INTS7: variants seen among roughly 807,000 people sequenced by gnomAD.
INTS7 encodes the protein integrator complex subunit 7.
In INTS7, 46 loss-of-function variants were observed where a neutral mutation model predicts 109.2. The ratio of observed to expected loss-of-function variants is 0.42; its 90% CI spans 0.33 to 0.54. INTS7 has a LOEUF of 0.54. Ranked by LOEUF, INTS7 falls within the 20% of genes least tolerant of loss-of-function variation. The pLI, the probability that INTS7 is intolerant of heterozygous loss-of-function variation, is 0.07. For missense variants in INTS7, 929 were observed against 1,132.4 expected (o/e 0.82, Z 2.58); for synonymous variants, 412 against 402.9 (o/e 1.02, Z -0.27).
intron 14 of INTS7, among the ~76,000 whole-genome samples, chr1:211,968,278 TA>T (rs1357997318): frequency 6.6e-6 from 1 of 152,210 alleles, no homozygotes; most frequent in Non-Finnish European, 1.5e-5. Flanking sequence ...CTCAAGTTTT[TA>T]AAAAAATCTG....
intron 1 of INTS7, among the ~76,000 whole-genome samples, chr1:212,023,646 C>T (rs1013283249): frequency 2.2e-4 from 34 of 152,088 alleles, no homozygotes; most frequent in Admixed American, 7.2e-4. Flanking sequence ...AGATATTACA[C>T]CTTTGTCACA....
chr1:211,956,480 A>C (rs1028422448), intron 16 of INTS7, among the ~76,000 whole-genome samples: 6 of 152,194 alleles, frequency 3.9e-5, no homozygotes, highest in Non-Finnish European at 8.8e-5. Flanking sequence ...GTCTATGCTA[A>C]TGAAGAATAT....
At chr1:212,029,570 T>G (rs1213196772) in intron 1 of INTS7, among the ~76,000 whole-genome samples, 1 of 152,232 alleles carries the variant, frequency 6.6e-6, no homozygotes, top group Non-Finnish European at 1.5e-5. Context: ...TGCTTCTACC[T>G]TAGTAAGACA....
intron 4 of INTS7, among the ~76,000 whole-genome samples, chr1:212,015,003 A>G (rs1666347079): frequency 6.7e-6 from 1 of 149,804 alleles, no homozygotes; most frequent in Non-Finnish European, 1.5e-5. Context: ...CCCATCTGAG[A>G]AGTGAGGAGC....
chr1:211,963,245 T>C lies in INTS7; in HGVS notation c.2183+3185A>G, dbSNP rs974807747. Among the ~76,000 whole-genome samples the C allele has an allele frequency of 1.2e-4, 19 of 152,200 alleles. No individual in the cohort carries two copies. The East Asian group carries it at 3.7e-3, about 29-fold the overall frequency. On this transcript the variant is annotated intron_variant, in intron 16 of 19. Coordinates refer to ENST00000366994, the MANE Select transcript of INTS7 (RefSeq NM_015434.4). ...CACAAACTAGAAAATCTAGAAGGAATGGATAAATTCCTGAACATACACTCT... is the reference window on the plus strand; with the variant it reads ...CACAAACTAGAAAATCTAGAAGGAACGGATAAATTCCTGAACATACACTCT...
intron 2 of INTS7, 114 bp from the exon 3 acceptor site, chr1:212,020,382 C>T (rs1666635864): frequency 1.4e-6 from 1 of 696,420 alleles, no homozygotes; most frequent in Admixed American, 3.3e-5. Flanking sequence ...TCAATCTTAA[C>T]ATTATTTGTT....
intron 7 of INTS7, 113 bp from the exon 8 acceptor site, chr1:211,988,116 T>A (rs780086310): frequency 7.3e-6 from 4 of 550,540 alleles, no homozygotes; most frequent in Non-Finnish European, 1.2e-5. Flanking sequence ...AAGGACTTTT[T>A]TTCATGTTAA....
At chr1:212,013,065 G>A (rs1162205425) in intron 4 of INTS7, among the ~76,000 whole-genome samples, 4 of 152,190 alleles carry the variant, frequency 2.6e-5, no homozygotes, top group East Asian at 3.8e-4. Flanking sequence ...GCATAACAAC[G>A]TTTTGGTCAA....
At chr1:212,028,633 G>C (rs1035633145) in intron 1 of INTS7, among the ~76,000 whole-genome samples, 3 of 152,162 alleles carry the variant, frequency 2.0e-5, no homozygotes, top group African/African-American at 7.2e-5. Context: ...GAACAAAGAA[G>C]TAAAACAGGT....
At chr1:211,988,035 T>C in intron 7 of INTS7, 32 bp from the exon 8 acceptor site, 5 of 1,046,046 alleles carry the variant, frequency 4.8e-6, no homozygotes, top group South Asian at 1.3e-5. Flanking sequence ...AATATAGAAG[T>C]TAAAACATCA....
chr1:211,993,865 C>T (rs1665253443), intron 7 of INTS7, among the ~76,000 whole-genome samples: 1 of 152,016 alleles, frequency 6.6e-6, no homozygotes, highest in South Asian at 2.1e-4. Context: ...TAATAATATA[C>T]TTGGACCTTG....
rs114008339 is a variant in INTS7 at position 212,035,307 on chromosome 1, C to T, written c.94+37G>A. On this transcript the variant is annotated intron_variant, in intron 1 of 19. Coordinates refer to ENST00000366994, the MANE Select transcript of INTS7 (RefSeq NM_015434.4). ...CACCTGGTGGCGCCACTTCCCCCCA[C>T]GCCTGTTTCACCCATTCAGCCCTCT... 3.6e-6 allele frequency: 5 copies of T among 1,390,720 alleles called. No individual in the cohort carries two copies. In the African/African-American group the frequency reaches 4.2e-5, roughly 12 times the overall value. The allele number at this position is 1,390,720 out of a possible 1,614,324, so 86.1% of individuals were successfully genotyped here.
At chr1:212,019,319 G>T (rs973826741) in intron 3 of INTS7, among the ~76,000 whole-genome samples, 3 of 152,130 alleles carry the variant, frequency 2.0e-5, no homozygotes, top group African/African-American at 7.2e-5. Context: ...TCAATGAACT[G>T]ACTTTAAAAT....
At chr1:212,030,342 G>A (rs919207476) in intron 1 of INTS7, among the ~76,000 whole-genome samples, 1 of 151,160 alleles carries the variant, frequency 6.6e-6, no homozygotes, top group African/African-American at 2.4e-5. Context: ...AGGCTGGAGT[G>A]CAATGGCATG....
chr1:211,997,538 A>AAG (rs1253049746), intron 7 of INTS7, among the ~76,000 whole-genome samples: 15 of 150,436 alleles, frequency 1.0e-4, no homozygotes, highest in Admixed American at 8.6e-4. Context: ...GAAAAAAAAA[A>AAG]AAAAAAAAAA....
chr1:211,959,747 A>G lies in INTS7; in HGVS notation c.2183+6683T>C, dbSNP rs1220191479. On this transcript the variant is annotated intron_variant, in intron 16 of 19. Coordinates refer to ENST00000366994, the MANE Select transcript of INTS7 (RefSeq NM_015434.4). The surrounding 1 kb of genome is among the most constrained non-coding windows in gnomAD (Gnocchi z 4.2). ...GGACCTTCCCCTGCCCTAAGTGGCT[A>G]CCTCCACCTACATAAGAGGGCACAC... 6.6e-6 allele frequency among the ~76,000 whole-genome samples: 1 copy of G among 151,996 alleles called. No individual in the cohort carries two copies. The highest frequency in any genetic ancestry group is 2.1e-4 in the South Asian group (1 of 4,824).
intron 2 of INTS7, chr1:212,020,576 T>G (rs1376870158): frequency 3.9e-6 from 1 of 253,830 alleles, no homozygotes; most frequent in East Asian, 1.3e-4. Context: ...CTTTCTCTTC[T>G]CTTGGGCTTA....
intron 1 of INTS7, 86 bp downstream of exon 1, chr1:212,035,258 T>C: frequency 1.1e-6 from 1 of 890,488 alleles, no homozygotes; most frequent in Non-Finnish European, 1.9e-6. Context: ...CATGCGCCTA[T>C]CCGTCTTCTC....
intron 7 of INTS7, among the ~76,000 whole-genome samples, chr1:211,989,210 C>G (rs1048381245): frequency 6.6e-6 from 1 of 152,088 alleles, no homozygotes; most frequent in East Asian, 1.9e-4. Flanking sequence ...TTTTAAAGAT[C>G]ATGTGGAAAA....
Sources: allele counts gnomAD v4.1 joint callset (sites outside exome capture counted in the v4.1 genomes callset), GRCh38; gene constraint gnomAD v4.1.1; non-coding constraint Gnocchi (gnomAD v3.1); transcripts MANE v1.5; gene names NCBI Gene and HGNC (gene_info 2026-07-23, HGNC 2026-07-21).